PLCL1: variants seen among roughly 807,000 people sequenced by gnomAD.
PLCL1 encodes the protein inactive phospholipase C-like protein 1.
PLCL1 carries 41 observed loss-of-function variants against 84.4 expected under a neutral mutation model. The ratio of observed to expected loss-of-function variants is 0.49; its 90% CI spans 0.38 to 0.63. The LOEUF (loss-of-function observed/expected upper bound fraction) is 0.63. Ranked by LOEUF, PLCL1 falls within the 30% of genes least tolerant of loss-of-function variation. PLCL1 has a pLI of 0.00. For synonymous variants in PLCL1, 490 were observed against 488.3 expected, an observed-to-expected ratio of 1.00 and a Z score of -0.05; for missense variants, 1,206 against 1,367.8, an observed-to-expected ratio of 0.88 and a Z score of 1.87.
At chr2:198,072,531 AGTG>A (rs1354263355) in intron 1 of PLCL1, among the ~76,000 whole-genome samples, 1 of 151,930 alleles carries the variant, frequency 6.6e-6, no homozygotes, top group Non-Finnish European at 1.5e-5. Flanking sequence ...GTAAATAAAT[AGTG>A]GGCTTTTTTG....
chr2:198,128,508 G>C (rs571258893), intron 5 of PLCL1, among the ~76,000 whole-genome samples: 4 of 152,206 alleles, frequency 2.6e-5, no homozygotes, highest in South Asian at 4.2e-4. Context: ...ATCATGGGGC[G>C]TTACTGTCTT....
At chr2:197,913,918 G>A (rs907401528) in intron 1 of PLCL1, among the ~76,000 whole-genome samples, 1 of 151,840 alleles carries the variant, frequency 6.6e-6, no homozygotes, top group African/African-American at 2.4e-5. Flanking sequence ...CACCCATCTC[G>A]AATATACATT....
chr2:198,117,338 CT>C (rs5837581), intron 5 of PLCL1, among the ~76,000 whole-genome samples: 5 of 140,628 alleles, frequency 3.6e-5, no homozygotes, highest in Non-Finnish European at 3.0e-5. Flanking sequence ...TTTTTTTTTT[CT>C]TTTTTTTTTT....
At position 198,106,789 on chromosome 2, in the gene PLCL1, T is replaced by C. The variant is rs188927510; in HGVS notation, c.3105+2853T>C. Among the ~76,000 whole-genome samples, 20 of 152,012 alleles carry C rather than the reference T, an allele frequency of 1.3e-4. No homozygotes were observed. In the Middle Eastern group the frequency reaches 0.01, roughly 78 times the overall value. ...TTTCTTCCTTGCCACAACAGTGCAA[T>C]CTTGCAACATGACATGCTGACTCTG... On this transcript the variant is annotated intron_variant, in intron 5 of 5. Coordinates refer to ENST00000428675, the MANE Select transcript of PLCL1 (RefSeq NM_006226.4).
chr2:198,132,192 T>A (rs1388538552), intron 5 of PLCL1, among the ~76,000 whole-genome samples: 1 of 152,218 alleles, frequency 6.6e-6, no homozygotes, highest in Non-Finnish European at 1.5e-5. Flanking sequence ...CTGTCATTAC[T>A]GCCTGGCATC....
chr2:197,897,179 TC>T (rs1437918705), intron 1 of PLCL1, among the ~76,000 whole-genome samples: 9 of 39,330 alleles, frequency 2.3e-4, no homozygotes, highest in African/African-American at 1.1e-3. Context: ...TTCTTCTTCT[TC>T]TTCTTCTTCT....
At chr2:197,863,367 T>C (rs1488166484) in intron 1 of PLCL1, among the ~76,000 whole-genome samples, 2 of 152,160 alleles carry the variant, frequency 1.3e-5, no homozygotes, top group Non-Finnish European at 2.9e-5. Context: ...TATATTTGCA[T>C]CCATCAGTTA....
In PLCL1 at chr2:198,085,285, T is replaced by A. The variant is rs1256823138; in HGVS notation, c.1768T>A (p.Ser590Thr). 1.6e-5 allele frequency: 26 copies of A among 1,613,790 alleles called. No individual in the cohort carries two copies. The highest frequency in any genetic ancestry group is 2.1e-5 in the Non-Finnish European group (25 of 1,179,810). Reference protein sequence around the residue: ...RLCRELSDLVSICKSVQYRDF... With the variant: ...RLCRELSDLVTICKSVQYRDF... The stretch of plus-strand genomic sequence containing the variant: ...CTGTAGGGAGCTCTCTGATTTGGTG[T>A]CTATTTGTAAATCTGTTCAATACAG... Residue 590 changes from serine to threonine, a missense_variant, in exon 2 of 6, where the codon TCT becomes ACT. Physicochemically the swap from Ser to Thr is moderately conservative, Grantham distance 58. Transcript: ENST00000428675. The surrounding 1 kb of genome is among the most constrained non-coding windows in gnomAD (Gnocchi z 5.3).
rs575210700 is a variant in PLCL1 at position 198,055,864 on chromosome 2, C to T, written c.241-27894C>T. Among the ~76,000 whole-genome samples the T allele has an allele frequency of 2.6e-3, 392 of 152,212 alleles. 2 individuals carry two copies. Among genetic ancestry groups the T allele is most frequent in the African/African-American group, 8.8e-3 (367 of 41,532 alleles). On this transcript the variant is annotated intron_variant, in intron 1 of 5. Transcript: ENST00000428675. ...ATCACTGTTTCATCACCGTGATCAG[C>T]GGTCACATACACACAATGGAACCTG...
At chr2:197,809,100 G>T (rs541943182) in intron 1 of PLCL1, among the ~76,000 whole-genome samples, 1 of 152,120 alleles carries the variant, frequency 6.6e-6, no homozygotes, top group Non-Finnish European at 1.5e-5. Flanking sequence ...GTGCCCCTTG[G>T]GTACCAGTAG....
At chr2:197,922,846 G>A (rs1574950220) in intron 1 of PLCL1, among the ~76,000 whole-genome samples, 2 of 131,186 alleles carry the variant, frequency 1.5e-5, no homozygotes, top group Admixed American at 7.4e-5. Flanking sequence ...TCCCAGTAGG[G>A]GCGGCCGGGC....
At chr2:197,958,379 A>G (rs1402657141) in intron 1 of PLCL1, among the ~76,000 whole-genome samples, 1 of 151,890 alleles carries the variant, frequency 6.6e-6, no homozygotes, top group Non-Finnish European at 1.5e-5. Flanking sequence ...AAGAATCGCA[A>G]AAAAAAACTC....
At chr2:197,856,683 A>C (rs535515595) in intron 1 of PLCL1, among the ~76,000 whole-genome samples, 71 of 152,314 alleles carry the variant, frequency 4.7e-4, no homozygotes, top group Non-Finnish European at 7.8e-4. Context: ...TTTATACAAT[A>C]TATAAGATAT....
chr2:198,011,949 T>G (rs1690877972), intron 1 of PLCL1, among the ~76,000 whole-genome samples: 1 of 152,124 alleles, frequency 6.6e-6, no homozygotes, highest in Admixed American at 6.6e-5. Flanking sequence ...GGTTCCTGTT[T>G]ACATAGAATA....
At chr2:197,846,122 T>C (rs1420141781) in intron 1 of PLCL1, among the ~76,000 whole-genome samples, 1 of 152,160 alleles carries the variant, frequency 6.6e-6, no homozygotes, top group African/African-American at 2.4e-5. Context: ...GGAACTACGC[T>C]ACTAAAATAG....
intron 3 of PLCL1, among the ~76,000 whole-genome samples, chr2:198,100,691 A>G (rs1207350100): frequency 6.6e-6 from 1 of 152,076 alleles, no homozygotes; most frequent in Non-Finnish European, 1.5e-5. Context: ...CTTAGGAAGG[A>G]GTGAGATCAG....
intron 1 of PLCL1, among the ~76,000 whole-genome samples, chr2:197,815,459 G>A (rs1011403042): frequency 1.1e-4 from 16 of 152,124 alleles, no homozygotes; most frequent in African/African-American, 3.9e-4. Flanking sequence ...GAAATGTAGA[G>A]GAGATTAATG....
At chr2:198,081,458 T>G (rs1473539154) in intron 1 of PLCL1, among the ~76,000 whole-genome samples, 1 of 152,196 alleles carries the variant, frequency 6.6e-6, no homozygotes, top group Non-Finnish European at 1.5e-5. Flanking sequence ...TTCTGAGCAT[T>G]TGGGTTGTGA....
intron 1 of PLCL1, among the ~76,000 whole-genome samples, chr2:197,825,171 T>G (rs1690904689): frequency 6.6e-6 from 1 of 152,132 alleles, no homozygotes; most frequent in Non-Finnish European, 1.5e-5. Context: ...TTTATACCTA[T>G]TAGATTTAAA....
Sources: allele counts gnomAD v4.1 joint callset (sites outside exome capture counted in the v4.1 genomes callset), GRCh38; gene constraint gnomAD v4.1.1; non-coding constraint Gnocchi (gnomAD v3.1); transcripts MANE v1.5; gene names NCBI Gene and HGNC (gene_info 2026-07-23, HGNC 2026-07-21).